ANKRD6: variants seen among roughly 807,000 people sequenced by gnomAD.
The protein encoded by ANKRD6 is ankyrin repeat domain-containing protein 6.
ANKRD6 carries 56 observed loss-of-function variants against 82.3 expected under a neutral mutation model. The observed-to-expected ratio is 0.68, with a 90% CI of 0.55 to 0.85. The LOEUF (loss-of-function observed/expected upper bound fraction) is 0.85, where lower values mean the gene tolerates loss of function less well. Among genes scored for constraint, ANKRD6 ranks in the 40% least tolerant of loss-of-function variants. The pLI, the probability that ANKRD6 is intolerant of heterozygous loss-of-function variation, is 0.00. For missense variants in ANKRD6, 852 were observed against 907.6 expected (o/e 0.94, Z 0.79); for synonymous variants, 347 against 352.1 (o/e 0.99, Z 0.16).
chr6:89,446,481 G>A (rs1432756701), intron 1 of ANKRD6, among the ~76,000 whole-genome samples: 2 of 152,228 alleles, frequency 1.3e-5, no homozygotes, highest in Admixed American at 6.5e-5. Context: ...ATTAATATTA[G>A]TGAGGCAGGC....
At chr6:89,624,240 G>A (rs1804757854) in intron 12 of ANKRD6, among the ~76,000 whole-genome samples, 183 bp downstream of exon 12, 1 of 152,188 alleles carries the variant, frequency 6.6e-6, no homozygotes, top group Non-Finnish European at 1.5e-5. Flanking sequence ...CTAAGGCCAA[G>A]GCAGACAGGG....
At chr6:89,438,305 G>A (rs1770899376) in intron 1 of ANKRD6, among the ~76,000 whole-genome samples, 1 of 152,172 alleles carries the variant, frequency 6.6e-6, no homozygotes, top group Non-Finnish European at 1.5e-5. Flanking sequence ...CAGGGATCAA[G>A]GTTCATTCCT....
intron 1 of ANKRD6, among the ~76,000 whole-genome samples, chr6:89,442,888 T>C (rs1449276909): frequency 6.6e-6 from 1 of 152,152 alleles, no homozygotes; most frequent in African/African-American, 2.4e-5. Flanking sequence ...CTTTAAAAGA[T>C]GCTGGACTCT....
In ANKRD6 at chr6:89,610,498, T is replaced by C. The variant is rs564276736; in HGVS notation, c.418-1774T>C. Among the ~76,000 whole-genome samples the C allele has an allele frequency of 3.9e-5, 6 of 152,324 alleles. No individual in the cohort carries two copies. The South Asian group carries it at 1.2e-3, about 32-fold the overall frequency. On this transcript the variant is annotated intron_variant, in intron 5 of 15. Transcript: ENST00000339746. ...ACCACAATTTGTTTATCCAAACCTA[T>C]GGTTTTTAATTTTCTTGGTGCAAAT...
chr6:89,625,428 A>C (rs1379760382), intron 13 of ANKRD6, among the ~76,000 whole-genome samples: 4 of 152,126 alleles, frequency 2.6e-5, no homozygotes, highest in Non-Finnish European at 5.9e-5. Context: ...TTTTTATTTT[A>C]AAAGTTTTCA....
intron 1 of ANKRD6, among the ~76,000 whole-genome samples, chr6:89,453,532 G>A (rs1329746104): frequency 6.6e-6 from 1 of 151,768 alleles, no homozygotes; most frequent in Non-Finnish European, 1.5e-5. Flanking sequence ...GTTTGGATCA[G>A]CTTCCAAGAT....
At chr6:89,614,371 G>A (rs995676302) in intron 7 of ANKRD6, among the ~76,000 whole-genome samples, 12 of 152,118 alleles carry the variant, frequency 7.9e-5, no homozygotes, top group Non-Finnish European at 1.6e-4. Flanking sequence ...TTGGCCGGCC[G>A]TGGTGGCTCA....
chr6:89,518,237 T>C (rs1296129230), intron 1 of ANKRD6, among the ~76,000 whole-genome samples: 1 of 152,070 alleles, frequency 6.6e-6, no homozygotes, highest in Non-Finnish European at 1.5e-5. Context: ...ACCCCGCCTC[T>C]ACTAAAAATA....
chr6:89,466,159 A>G (rs2127779597), intron 1 of ANKRD6, among the ~76,000 whole-genome samples: 1 of 152,286 alleles, frequency 6.6e-6, no homozygotes, highest in Non-Finnish European at 1.5e-5. Context: ...CATTCTACTC[A>G]ATTTTCAAAA....
intron 2 of ANKRD6, among the ~76,000 whole-genome samples, chr6:89,579,317 A>G (rs1791904465): frequency 6.6e-6 from 1 of 152,256 alleles, no homozygotes; most frequent in Non-Finnish European, 1.5e-5. Context: ...GCACATAGTC[A>G]GTGTCAAATA....
chr6:89,489,763 C>T (rs985491116), intron 1 of ANKRD6, among the ~76,000 whole-genome samples: 7 of 152,260 alleles, frequency 4.6e-5, no homozygotes, highest in South Asian at 4.1e-4. Flanking sequence ...TGGAGGAGGC[C>T]GCAGGGCAGG....
chr6:89,612,163 T>A, intron 5 of ANKRD6, 109 bp from the exon 6 acceptor site: 2 of 931,234 alleles, frequency 2.1e-6, no homozygotes, highest in East Asian at 5.5e-5. Context: ...AGGCAGAGAA[T>A]GTGAGCGTTG....
chr6:89,438,705 C>T (rs1011646595), intron 1 of ANKRD6, among the ~76,000 whole-genome samples: 1 of 151,948 alleles, frequency 6.6e-6, no homozygotes, highest in Non-Finnish European at 1.5e-5. Context: ...TGCAATGGTG[C>T]GATCTTGGCT....
At chr6:89,455,323 G>T (rs1436549518) in intron 1 of ANKRD6, among the ~76,000 whole-genome samples, 2 of 152,070 alleles carry the variant, frequency 1.3e-5, no homozygotes, top group Non-Finnish European at 1.5e-5. Context: ...CTTCCAGGGA[G>T]GCCTCAAGGA....
In ANKRD6 at chr6:89,631,296, C is replaced by A; in HGVS notation, c.*292C>A. ...GAAAGCTCAGATTAAGCAAGCCATGCCAAGAAACTGGACGATGTGTAAGCC... is the reference window on the plus strand; with the variant it reads ...GAAAGCTCAGATTAAGCAAGCCATGACAAGAAACTGGACGATGTGTAAGCC... On this transcript the variant is annotated 3_prime_UTR_variant, in exon 16 of 16. Transcript: ENST00000339746. 2 of 276,952 alleles carry A rather than the reference C, an allele frequency of 7.2e-6. No homozygotes were observed. Among genetic ancestry groups the A allele is most frequent in the Non-Finnish European group, 1.3e-5 (2 of 152,386 alleles). 17.2% of individuals were successfully genotyped at this position (276,952 alleles called of 1,614,324 possible).
chr6:89,478,715 C>T (rs1350095444), intron 1 of ANKRD6, among the ~76,000 whole-genome samples: 2 of 149,166 alleles, frequency 1.3e-5, no homozygotes, highest in African/African-American at 5.0e-5. Flanking sequence ...TGAGATTGCA[C>T]CACTGCACTC....
At chr6:89,549,313 G>A (rs1785505102) in intron 1 of ANKRD6, among the ~76,000 whole-genome samples, 2 of 152,178 alleles carry the variant, frequency 1.3e-5, no homozygotes, top group Admixed American at 1.3e-4. Context: ...CTCTGCACTT[G>A]TAAATTGATT....
intron 5 of ANKRD6, among the ~76,000 whole-genome samples, chr6:89,610,600 C>A (rs1209429798): frequency 6.6e-6 from 1 of 152,082 alleles, no homozygotes; most frequent in Non-Finnish European, 1.5e-5. Flanking sequence ...CATCAGATTT[C>A]TTTCATTTCA....
intron 1 of ANKRD6, among the ~76,000 whole-genome samples, chr6:89,549,776 T>C (rs1785573539): frequency 6.6e-6 from 1 of 152,154 alleles, no homozygotes; most frequent in Admixed American, 6.5e-5. Context: ...CAATGCCTTA[T>C]ATGCTTCAAA....
Sources: gnomAD v4.1 joint callset for allele counts (sites outside exome capture counted in the v4.1 genomes callset) on GRCh38, gnomAD v4.1.1 for gene constraint, MANE v1.5 for transcripts, NCBI Gene and HGNC (gene_info 2026-07-23, HGNC 2026-07-21) for gene names.